BDNF: variants seen among roughly 807,000 people sequenced by gnomAD.
BDNF encodes the protein brain derived neurotrophic factor.
A neutral mutation model predicts 19.5 loss-of-function variants in BDNF; 1 was observed. The ratio of observed to expected loss-of-function variants is 0.05; its 90% CI spans 0.02 to 0.24. BDNF has a LOEUF of 0.24. Ranked by LOEUF, BDNF falls within the 10% of genes least tolerant of loss-of-function variation. The pLI, the probability that BDNF is intolerant of heterozygous loss-of-function variation, is 1.00. For synonymous variants in BDNF, 100 were observed against 121.6 expected, an observed-to-expected ratio of 0.82 and a Z score of 1.17; for missense variants, 195 against 317.6, an observed-to-expected ratio of 0.61 and a Z score of 2.93.
intron 1 of BDNF, chr11:27,719,618 G>T: frequency 1.0e-6 from 1 of 985,080 alleles, no homozygotes; most frequent in Non-Finnish European, 1.2e-6. Context: ...CGAAACTCGC[G>T]GGGAGGGAGG....
chr11:27,704,162 G>C (rs1454147437), upstream of BDNF, among the ~76,000 whole-genome samples: 1 of 152,102 alleles, frequency 6.6e-6, no homozygotes, highest in African/African-American at 2.4e-5. Flanking sequence ...TTTATAATCT[G>C]AACATTTTCT....
In BDNF at chr11:27,696,869, T is replaced by G. The variant is rs187672412; in HGVS notation, c.-22+3295A>C. Among the ~76,000 whole-genome samples the G allele has an allele frequency of 3.1e-3, 479 of 152,332 alleles. 4 individuals are homozygous for G. Among genetic ancestry groups the G allele is most frequent in the Non-Finnish European group, 5.0e-3 (342 of 68,030 alleles). ...TATGGGCACCTGAAATGGGAGTGCC[T>G]TTCTTCTCAAAAGATATTCAGAGTT... On this transcript the variant is annotated intron_variant, in intron 1 of 1. Transcript: ENST00000356660.
chr11:27,711,313 A>G (rs1030193259), intron 1 of BDNF, among the ~76,000 whole-genome samples: 1 of 152,248 alleles, frequency 6.6e-6, no homozygotes, highest in African/African-American at 2.4e-5. Context: ...AATGTATATG[A>G]TCCTAACAAA....
At chr11:27,718,359 C>A (rs1384632742) in intron 1 of BDNF, among the ~76,000 whole-genome samples, 11 of 144,498 alleles carry the variant, frequency 7.6e-5, no homozygotes, top group African/African-American at 2.2e-4. Context: ...ACACCACCCC[C>A]CCCCGCCCCT....
chr11:27,700,963 A>G (rs373949465), upstream of BDNF: 776 of 1,359,446 alleles, frequency 5.7e-4, 1 homozygote, highest in Non-Finnish European at 7.0e-4. Flanking sequence ...CCCGGGCCAC[A>G]GACACACCTT....
Position 27,658,641 on chromosome 11 carries a change from G to A in BDNF, c.-21-56C>T. On this transcript the variant is annotated intron_variant, in intron 1 of 1. Coordinates refer to ENST00000356660, the MANE Select transcript of BDNF (RefSeq NM_001709.5). This position sits in a 1 kb window ranked among gnomAD's most constrained non-coding sequence, Gnocchi z 5.7. ...AACTGGTTAGGGCTTTCTTTCACCGGGATGCCATGTGGCCCATCTGATTGT... is the reference window on the plus strand; with the variant it reads ...AACTGGTTAGGGCTTTCTTTCACCGAGATGCCATGTGGCCCATCTGATTGT... The A allele has an allele frequency of 1.9e-6, 3 of 1,613,742 alleles. No homozygotes were observed. The highest frequency in any genetic ancestry group is 1.7e-6 in the Non-Finnish European group (2 of 1,179,982).
intron 1 of BDNF, chr11:27,720,654 C>A: frequency 1.0e-6 from 1 of 985,450 alleles, no homozygotes; most frequent in Non-Finnish European, 1.2e-6. Flanking sequence ...CTGGGGGTAC[C>A]GCCACCTCGG....
chr11:27,686,304 T>C (rs1857471593), intron 1 of BDNF, among the ~76,000 whole-genome samples: 1 of 152,202 alleles, frequency 6.6e-6, no homozygotes, highest in Non-Finnish European at 1.5e-5. Flanking sequence ...GCATGTGAGA[T>C]GGGTCTCCAG....
chr11:27,671,793 C>T (rs1247050565), intron 1 of BDNF, among the ~76,000 whole-genome samples: 1 of 152,062 alleles, frequency 6.6e-6, no homozygotes, highest in Non-Finnish European at 1.5e-5. Flanking sequence ...CTCAACTTCC[C>T]CACCCTCATT....
intron 1 of BDNF, chr11:27,719,616 G>A (rs1378273163): frequency 2.0e-6 from 2 of 984,832 alleles, no homozygotes; most frequent in East Asian, 2.3e-4. Flanking sequence ...CCCGAAACTC[G>A]CGGGGAGGGA....
intron 1 of BDNF, among the ~76,000 whole-genome samples, chr11:27,712,723 C>T (rs894076075): frequency 6.6e-6 from 1 of 152,006 alleles, no homozygotes; most frequent in Admixed American, 6.6e-5. Flanking sequence ...CCATGTTGGC[C>T]AGGCTGGTCT....
In BDNF at chr11:27,707,610, T is replaced by G. The variant is rs189331574; in HGVS notation, c.3+13802A>C. Among the ~76,000 whole-genome samples the G allele has an allele frequency of 1.1e-3, 170 of 152,236 alleles. 2 individuals carry two copies. Among genetic ancestry groups the G allele is most frequent in the African/African-American group, 3.9e-3 (162 of 41,540 alleles). ...AGGCACCAAGAAGTTATAAGTCTAG[T>G]TGGATATAGGAAAGGCTGATGCTGA... On this transcript the variant is annotated intron_variant, in intron 1 of 1. Transcript: ENST00000314915.
intron 1 of BDNF, among the ~76,000 whole-genome samples, chr11:27,695,130 G>C (rs984926086): frequency 2.6e-5 from 4 of 152,050 alleles, no homozygotes; most frequent in African/African-American, 9.7e-5. Context: ...AGTAACTGTA[G>C]CGTTGGAAAA....
chr11:27,720,784 T>C (rs1282810705), intron 1 of BDNF: 3 of 987,916 alleles, frequency 3.0e-6, no homozygotes, highest in South Asian at 4.7e-5. Flanking sequence ...GATATTGCTC[T>C]AGACGGTTTC....
upstream of BDNF, chr11:27,701,423 G>T: frequency 9.6e-7 from 1 of 1,039,452 alleles, no homozygotes; most frequent in Non-Finnish European, 1.2e-6. Context: ...GGGAGGGGGC[G>T]CGAGTCTTTG....
chr11:27,660,570 C>T (rs537831121), intron 1 of BDNF, among the ~76,000 whole-genome samples: 15 of 152,240 alleles, frequency 9.9e-5, no homozygotes, highest in African/African-American at 3.4e-4. Context: ...CAAGGGGCAC[C>T]TCTTATTTAG....
intron 1 of BDNF, among the ~76,000 whole-genome samples, chr11:27,668,908 A>T (rs1386137848): frequency 6.6e-6 from 1 of 152,220 alleles, no homozygotes; most frequent in Non-Finnish European, 1.5e-5. Flanking sequence ...AACTCATTTT[A>T]TGAGGCCAGC....
chr11:27,697,559 G>A (rs1425498142), intron 1 of BDNF: 1 of 151,492 alleles, frequency 6.6e-6, no homozygotes, highest in Non-Finnish European at 1.5e-5. Context: ...TGAGATGAAG[G>A]CAATTAACTC....
At chr11:27,699,637 G>A in intron 1 of BDNF, 2 of 1,437,810 alleles carry the variant, frequency 1.4e-6, no homozygotes, top group Non-Finnish European at 1.8e-6. Context: ...GTCCACTTCA[G>A]TCTCAATTCC....
Sources: allele counts gnomAD v4.1 joint callset (sites outside exome capture counted in the v4.1 genomes callset), GRCh38; gene constraint gnomAD v4.1.1; non-coding constraint Gnocchi (gnomAD v3.1); transcripts MANE v1.5; gene names NCBI Gene and HGNC (gene_info 2026-07-23, HGNC 2026-07-21).